Variants in UBE2F observed in about 807,000 individuals in gnomAD.
The protein encoded by UBE2F is NEDD8-conjugating enzyme UBE2F.
UBE2F carries 5 observed loss-of-function variants against 29.6 expected under a neutral mutation model. That is an observed-to-expected ratio of 0.17 (90% CI 0.09 to 0.36). The LOEUF is 0.36. Ranked by LOEUF, UBE2F falls within the 10% of genes least tolerant of loss-of-function variation. The pLI is 1.00. For synonymous variants in UBE2F, 66 were observed against 81.8 expected (o/e 0.81, Z 1.04); for missense variants, 141 against 228.5 (o/e 0.62, Z 2.47).
chr2:237,987,852 C>CATTTTTTTTTTTTTTTTTTTTTTTTTT lies in UBE2F; in HGVS notation c.119-111_119-110insATTTTTTTTTTTTTTTTTTTTTTTTTT, dbSNP rs59213280. ...TAGACCAGGTTTTATTCAGTTCATC[C>CATTTTTTTTTTTTTTTTTTTTTTTTTT]TTTTTTTTTTTTTTTTGATTCAGTG... On this transcript the variant is annotated intron_variant, in intron 2 of 9. Transcript: ENST00000272930. 4.1e-6 allele frequency: 2 copies of CATTTTTTTTTTTTTTTTTTTTTTTTTT among 489,616 alleles called. 1 individual carries two copies. Among genetic ancestry groups the CATTTTTTTTTTTTTTTTTTTTTTTTTT allele is most frequent in the African/African-American group, 4.4e-5 (2 of 45,934 alleles). 30.3% of individuals were successfully genotyped at this position (489,616 alleles called of 1,614,324 possible).
At chr2:238,010,985 C>G (rs1243467635) in intron 4 of UBE2F, among the ~76,000 whole-genome samples, 1 of 152,198 alleles carries the variant, frequency 6.6e-6, no homozygotes, top group Non-Finnish European at 1.5e-5. Flanking sequence ...TCAGCAAATT[C>G]TGGTGTTGCT....
chr2:238,039,881 C>G (rs967903940), intron 9 of UBE2F, among the ~76,000 whole-genome samples: 1 of 152,190 alleles, frequency 6.6e-6, no homozygotes, highest in Non-Finnish European at 1.5e-5. Context: ...ATTTTACATC[C>G]TGTAAGCTTT....
chr2:237,977,063 C>A (rs2063296350), intron 2 of UBE2F, among the ~76,000 whole-genome samples: 1 of 152,188 alleles, frequency 6.6e-6, no homozygotes, highest in African/African-American at 2.4e-5. Flanking sequence ...CTCAGGAACT[C>A]ACCCTGGAGC....
chr2:237,971,243 C>T (rs576273145), intron 1 of UBE2F, among the ~76,000 whole-genome samples: 4 of 152,246 alleles, frequency 2.6e-5, no homozygotes, highest in South Asian at 4.1e-4. Context: ...TCTGTTGAAA[C>T]GATCAGAGTG....
chr2:237,988,945 C>A (rs11692064), intron 3 of UBE2F, among the ~76,000 whole-genome samples: 1 of 152,150 alleles, frequency 6.6e-6, no homozygotes, highest in South Asian at 2.1e-4. Flanking sequence ...TCATGAGCAC[C>A]GTACATTCGG....
Position 237,974,411 on chromosome 2 carries a change from A to C in UBE2F, c.118+1186A>C, listed in dbSNP as rs373609567. ...CTCCATGTTGATCAGGCTGGTCTTG[A>C]ACTCCCCACCTCAGGTGATTTGCTC... On this transcript the variant is annotated intron_variant, in intron 2 of 9. Transcript: ENST00000272930. 4.6e-5 allele frequency among the ~76,000 whole-genome samples: 7 copies of C among 150,936 alleles called. No homozygotes were observed. The East Asian group carries it at 1.4e-3, about 29-fold the overall frequency.
chr2:238,036,139 G>T (rs1449960656), intron 9 of UBE2F, among the ~76,000 whole-genome samples, 199 bp downstream of exon 9: 1 of 152,126 alleles, frequency 6.6e-6, no homozygotes, highest in Admixed American at 6.5e-5. Flanking sequence ...AGGTTGGAGA[G>T]AATTGGTGTG....
At chr2:238,038,482 T>C (rs1017004927) in intron 9 of UBE2F, among the ~76,000 whole-genome samples, 1 of 152,222 alleles carries the variant, frequency 6.6e-6, no homozygotes, top group Admixed American at 6.5e-5. Flanking sequence ...CAGGCATTCA[T>C]GGCGGCACTC....
intron 4 of UBE2F, among the ~76,000 whole-genome samples, chr2:238,006,616 A>G (rs548906986): frequency 6.6e-6 from 1 of 152,210 alleles, no homozygotes; most frequent in African/African-American, 2.4e-5. Context: ...CCATCTATGC[A>G]TAAAGACAAT....
chr2:238,036,382 G>T (rs2064708609), intron 9 of UBE2F, among the ~76,000 whole-genome samples: 1 of 152,018 alleles, frequency 6.6e-6, no homozygotes. Flanking sequence ...GTCTCGCTTT[G>T]TTGCCCAGGC....
At chr2:238,004,851 G>A (rs925100334) in intron 4 of UBE2F, among the ~76,000 whole-genome samples, 1 of 152,202 alleles carries the variant, frequency 6.6e-6, no homozygotes, top group African/African-American at 2.4e-5. Flanking sequence ...CAGGAAGCAG[G>A]TGAGGCACTG....
At chr2:238,017,099 A>G (rs2064172859) in intron 5 of UBE2F, among the ~76,000 whole-genome samples, 1 of 152,210 alleles carries the variant, frequency 6.6e-6, no homozygotes, top group South Asian at 2.1e-4. Context: ...ATTATACCAA[A>G]TACCATTACA....
chr2:238,003,284 T>TGA (rs879435404), intron 4 of UBE2F: 107 of 459,718 alleles, frequency 2.3e-4, no homozygotes, highest in Non-Finnish European at 3.7e-4. Context: ...TGATGTTAGC[T>TGA]CTTAAAATGT....
At chr2:237,998,476 T>TTTTAAATTTA (rs2063730005) in intron 4 of UBE2F, among the ~76,000 whole-genome samples, 1 of 152,210 alleles carries the variant, frequency 6.6e-6, no homozygotes. Context: ...GTTGTGTGAA[T>TTTTAAATTTA]CAGTAGTTTA....
chr2:238,022,427 T>C (rs1376487448), intron 5 of UBE2F, among the ~76,000 whole-genome samples: 1 of 152,226 alleles, frequency 6.6e-6, no homozygotes, highest in African/African-American at 2.4e-5. Context: ...ACAAGCAAAG[T>C]ATGTGAAACT....
intron 4 of UBE2F, among the ~76,000 whole-genome samples, chr2:237,999,039 T>A (rs1274392317): frequency 1.3e-5 from 2 of 152,190 alleles, no homozygotes; most frequent in Admixed American, 1.3e-4. Context: ...TGCTCATTTT[T>A]AAAAATGCTG....
chr2:237,968,382 G>A (rs1419158241), intron 1 of UBE2F, among the ~76,000 whole-genome samples: 1 of 152,148 alleles, frequency 6.6e-6, no homozygotes, highest in Non-Finnish European at 1.5e-5. Flanking sequence ...CTCCTGTGCC[G>A]AGCAGGAGGT....
At chr2:238,025,552 G>A in intron 6 of UBE2F, 140 bp downstream of exon 6, 1 of 745,846 alleles carries the variant, frequency 1.3e-6, no homozygotes, top group Non-Finnish European at 2.3e-6. Flanking sequence ...TGAAGTAGCT[G>A]CGGTTGCCTG....
intron 4 of UBE2F, among the ~76,000 whole-genome samples, chr2:238,009,548 G>T (rs1207385365): frequency 6.6e-6 from 1 of 152,090 alleles, no homozygotes; most frequent in Non-Finnish European, 1.5e-5. Context: ...GTTCCATTTG[G>T]TGCTTTCCCC....
Sources: allele counts gnomAD v4.1 joint callset (sites outside exome capture counted in the v4.1 genomes callset), GRCh38; gene constraint gnomAD v4.1.1; transcripts MANE v1.5; gene names NCBI Gene and HGNC (gene_info 2026-07-23, HGNC 2026-07-21).